Variants in IQUB observed in about 807,000 individuals in gnomAD.
IQUB encodes the protein IQ motif and ubiquitin-like domain-containing protein.
In IQUB, 86 loss-of-function variants were observed where a neutral mutation model predicts 86.4. That is an observed-to-expected ratio of 1.00 (90% CI 0.84 to 1.19). The LOEUF is 1.19. IQUB is among the 50% of genes most tolerant of loss of function. IQUB has a pLI of 0.00. For missense variants in IQUB, 946 were observed against 916.9 expected, an observed-to-expected ratio of 1.03 and a Z score of -0.41; for synonymous variants, 289 against 304.5, an observed-to-expected ratio of 0.95 and a Z score of 0.53.
intron 1 of IQUB, among the ~76,000 whole-genome samples, chr7:123,516,061 G>A (rs1384826975): frequency 1.3e-5 from 2 of 152,158 alleles, no homozygotes; most frequent in Admixed American, 1.3e-4. Flanking sequence ...AAATTTTAAT[G>A]TGTCTAGATT....
At chr7:123,507,747 C>T (rs1796246299) in intron 3 of IQUB, among the ~76,000 whole-genome samples, 1 of 151,876 alleles carries the variant, frequency 6.6e-6, no homozygotes, top group Non-Finnish European at 1.5e-5. Flanking sequence ...GTGGCACATC[C>T]CTGTAGTCCC....
intron 7 of IQUB, among the ~76,000 whole-genome samples, chr7:123,489,885 C>T (rs2117129232): frequency 6.6e-6 from 1 of 151,782 alleles, no homozygotes; most frequent in African/African-American, 2.4e-5. Flanking sequence ...TTCTCAAGCA[C>T]ATAATGCAAC....
At chr7:123,496,262 T>C (rs1217322501) in intron 7 of IQUB, among the ~76,000 whole-genome samples, 2 of 152,048 alleles carry the variant, frequency 1.3e-5, no homozygotes, top group Admixed American at 6.6e-5. Context: ...GTATTATTAA[T>C]AAGGGGGAAT....
chr7:123,490,999 A>C (rs1365991213), intron 7 of IQUB, among the ~76,000 whole-genome samples: 1 of 151,854 alleles, frequency 6.6e-6, no homozygotes, highest in Non-Finnish European at 1.5e-5. Context: ...CTCAAACCTC[A>C]AACCTCAAAT....
At chr7:123,528,661 G>A (rs911055285) in intron 1 of IQUB, among the ~76,000 whole-genome samples, 1 of 152,170 alleles carries the variant, frequency 6.6e-6, no homozygotes, top group Non-Finnish European at 1.5e-5. Flanking sequence ...CCCTGCAGAT[G>A]AAAAAGCTAA....
At position 123,496,846 on chromosome 7, in the gene IQUB, T is replaced by G; in HGVS notation, c.1084A>C (p.Arg362=). ...WHAKIFVENL[R]RQKSLRLEWE... ...TCCAGTCTTAAGCTTTTCTGTCTTC[T>G]TAAATTCTCTACGAAGATTTTAGCA... The change falls in exon 7 of 13, where the codon AGA becomes CGA. Residue 362 remains arginine (R), a synonymous_variant. Transcript: ENST00000324698. The G allele has an allele frequency of 6.2e-7, 1 of 1,612,810 alleles. No homozygotes were observed. The highest frequency in any genetic ancestry group is 8.5e-7 in the Non-Finnish European group (1 of 1,179,420).
intron 7 of IQUB, among the ~76,000 whole-genome samples, chr7:123,493,731 ATGTGTGTGTGTGTG>A (rs71161484): frequency 1.0e-3 from 116 of 112,658 alleles, no homozygotes; most frequent in Admixed American, 2.7e-3. Flanking sequence ...ATGTGTGTGT[ATGTGTGTGTGTGTG>A]TGTGTGTGTG....
intron 3 of IQUB, 128 bp from the exon 4 acceptor site, chr7:123,503,491 A>G (rs1045359582): frequency 5.2e-5 from 30 of 577,118 alleles, no homozygotes; most frequent in African/African-American, 4.7e-4. Context: ...TGAACTATGT[A>G]TACATTGTGA....
At chr7:123,469,553 A>C (rs1794434432) in intron 8 of IQUB, among the ~76,000 whole-genome samples, 169 bp from the exon 9 acceptor site, 1 of 152,194 alleles carries the variant, frequency 6.6e-6, no homozygotes, top group South Asian at 2.1e-4. Flanking sequence ...AAAGTAAAAT[A>C]TTTTAGAAAA....
intron 9 of IQUB, among the ~76,000 whole-genome samples, chr7:123,468,904 AAAT>A (rs1794387842): frequency 6.6e-6 from 1 of 152,226 alleles, no homozygotes; most frequent in Non-Finnish European, 1.5e-5. Flanking sequence ...AAACTGCTAA[AAAT>A]CAATTTTTCA....
At chr7:123,453,097 G>T (rs926094271) in intron 12 of IQUB, among the ~76,000 whole-genome samples, 172 bp from the exon 13 acceptor site, 2 of 151,442 alleles carry the variant, frequency 1.3e-5, no homozygotes, top group Admixed American at 1.3e-4. Context: ...ACTTTAACCT[G>T]GAAGTTTTCC....
intron 7 of IQUB, among the ~76,000 whole-genome samples, chr7:123,493,393 G>T (rs1032199224): frequency 6.6e-6 from 1 of 152,100 alleles, no homozygotes; most frequent in African/African-American, 2.4e-5. Flanking sequence ...CATGAGCCAA[G>T]AAATAGGTCC....
intron 12 of IQUB, among the ~76,000 whole-genome samples, chr7:123,454,452 G>A (rs902406249): frequency 6.6e-6 from 1 of 151,984 alleles, no homozygotes; most frequent in African/African-American, 2.4e-5. Context: ...TCCTGCTACA[G>A]TAAAAGTATA....
chr7:123,485,096 T>C (rs1795163535), intron 7 of IQUB, among the ~76,000 whole-genome samples: 2 of 152,140 alleles, frequency 1.3e-5, no homozygotes, highest in Admixed American at 1.3e-4. Context: ...ATTGAGATGC[T>C]ATATTACTTT....
intron 2 of IQUB, among the ~76,000 whole-genome samples, chr7:123,511,124 AC>A (rs1172235596): frequency 1.3e-5 from 2 of 152,120 alleles, no homozygotes; most frequent in East Asian, 3.8e-4. Flanking sequence ...TTCTTTCTTT[AC>A]TTATATGGAC....
Position 123,469,223 on chromosome 7 carries a change from GTGTT to G in IQUB, c.1568_1571del (p.Lys523ThrfsTer3). 6.4e-7 allele frequency: 1 copy of G among 1,568,944 alleles called. No homozygotes were observed. Among genetic ancestry groups the G allele is most frequent in the East Asian group, 2.3e-5 (1 of 43,630 alleles). On this transcript the variant is annotated frameshift_variant, in exon 9 of 13. Coordinates refer to ENST00000324698, the MANE Select transcript of IQUB (RefSeq NM_178827.5). LOFTEE classifies it high-confidence loss of function. ...GAGAAAGTTAACATACCTTTACAGT[GTGTT>G]TAAGAGTTAACAGCACATCCAGCCT...
At chr7:123,460,531 C>T (rs558426814) in intron 11 of IQUB, among the ~76,000 whole-genome samples, 3 of 151,814 alleles carry the variant, frequency 2.0e-5, no homozygotes, top group Non-Finnish European at 4.4e-5. Context: ...CCTTATTTGA[C>T]AGTCTGTGAA....
intron 10 of IQUB, 150 bp downstream of exon 10, chr7:123,464,683 A>G: frequency 4.0e-6 from 2 of 496,284 alleles, no homozygotes; most frequent in Non-Finnish European, 7.1e-6. Context: ...CCAACATAAC[A>G]AAATATCATT....
In IQUB at chr7:123,469,332, T is replaced by A. The variant is rs199749679; in HGVS notation, c.1463A>T (p.Asp488Val). The A allele has an allele frequency of 6.2e-7, 1 of 1,608,108 alleles. No homozygotes were observed. The highest frequency in any genetic ancestry group is 2.2e-5 in the East Asian group (1 of 44,636). The change falls in exon 9 of 13, where the codon GAT becomes GTT. Residue 488 changes from aspartate (D) to valine (V), a missense_variant. Coordinates refer to ENST00000324698, the MANE Select transcript of IQUB (RefSeq NM_178827.5). ...TCTGGCTCTGATGGTGAACTGCGTA[T>A]CCATCTCAATTGTTTTGCCATTAGG... is the stretch of plus-strand genomic sequence containing the variant. Reference protein sequence around the residue: ...RTPNGKTIEMDTQFTIRAREL... With the variant: ...RTPNGKTIEMVTQFTIRAREL...
Sources: allele counts gnomAD v4.1 joint callset (sites outside exome capture counted in the v4.1 genomes callset), GRCh38; gene constraint gnomAD v4.1.1; transcripts MANE v1.5; gene names NCBI Gene and HGNC (gene_info 2026-07-23, HGNC 2026-07-21).